The following C12orf56 variants were observed in gnomAD, a reference collection of about 807,000 sequenced individuals.
C12orf56 encodes the protein chromosome 12 open reading frame 56.
C12orf56 carries 71 observed loss-of-function variants against 69.9 expected under a neutral mutation model. The ratio of observed to expected loss-of-function variants is 1.02; its 90% CI spans 0.84 to 1.24. The LOEUF (loss-of-function observed/expected upper bound fraction) is 1.24. C12orf56 is among the 50% of genes most tolerant of loss of function. The pLI is 0.00. For missense variants in C12orf56, 732 were observed against 738.5 expected (o/e 0.99, Z 0.10); for synonymous variants, 276 against 274.1 (o/e 1.01, Z -0.07).
chr12:64,335,889 C>A (rs932621706), intron 2 of C12orf56, among the ~76,000 whole-genome samples: 1 of 152,060 alleles, frequency 6.6e-6, no homozygotes, highest in Non-Finnish European at 1.5e-5. Flanking sequence ...GGATTTTTTA[C>A]CCAAGAGGTT....
rs568364216 is a variant in C12orf56 at position 64,265,115 on chromosome 12, T to C, written c.*2068A>G. The C allele has an allele frequency of 5.3e-5, 8 of 152,368 alleles. No homozygotes were observed. The East Asian group carries it at 1.3e-3, about 26-fold the overall frequency. 9.4% of individuals were successfully genotyped at this position (152,368 alleles called of 1,614,324 possible). ...CAGAGCTGAGTTGATCCTCTCGTTG[T>C]CATCCTGCGGGTTCATCAGTACATT... is the stretch of plus-strand genomic sequence containing the variant. On this transcript the variant is annotated 3_prime_UTR_variant, in exon 13 of 13. Coordinates refer to ENST00000543942, the MANE Select transcript of C12orf56 (RefSeq NM_001170633.2).
intron 3 of C12orf56, among the ~76,000 whole-genome samples, chr12:64,321,330 C>T (rs570584905): frequency 2.0e-5 from 3 of 152,228 alleles, no homozygotes; most frequent in Admixed American, 1.3e-4. Context: ...AGAACCTCCA[C>T]GATAGTGGAA....
rs186787024 is a variant in C12orf56 at position 64,365,459 on chromosome 12, C to T, written c.253-12403G>A. Among the ~76,000 whole-genome samples, 752 of 151,648 alleles carry T rather than the reference C, an allele frequency of 5.0e-3. 8 individuals carry two copies. Among genetic ancestry groups the T allele is most frequent in the African/African-American group, 0.018 (737 of 41,396 alleles). ...GGATTACAGGGATGAGCCACCACGC[C>T]CGGCCGCTATTCCCATTTTATAAGG... On this transcript the variant is annotated intron_variant, in intron 1 of 12. Transcript: ENST00000543942.
intron 1 of C12orf56, among the ~76,000 whole-genome samples, chr12:64,381,940 G>C (rs1413183370): frequency 6.6e-6 from 1 of 152,136 alleles, no homozygotes; most frequent in Non-Finnish European, 1.5e-5. Context: ...CATTGAACTT[G>C]ATATACCTAC....
chr12:64,354,756 C>T (rs1228765869), intron 1 of C12orf56, among the ~76,000 whole-genome samples: 9 of 147,792 alleles, frequency 6.1e-5, no homozygotes, highest in Non-Finnish European at 1.3e-4. Context: ...CGTGAGCCAC[C>T]GCACCTGGTC....
Position 64,379,377 on chromosome 12 carries a change from C to T in C12orf56, c.252+10937G>A, listed in dbSNP as rs541267263. ...TCTGCTCACTGCAAGCTCCGCCTCTCGGGTTCACGCCATTCTCCTGCCTCA... is the reference window on the plus strand; with the variant it reads ...TCTGCTCACTGCAAGCTCCGCCTCTTGGGTTCACGCCATTCTCCTGCCTCA... On this transcript the variant is annotated intron_variant, in intron 1 of 12. Transcript: ENST00000543942. Among the ~76,000 whole-genome samples the T allele has an allele frequency of 7.2e-4, 109 of 151,762 alleles. 1 individual carries two copies. Among genetic ancestry groups the T allele is most frequent in the African/African-American group, 2.4e-3 (100 of 41,400 alleles).
intron 1 of C12orf56, among the ~76,000 whole-genome samples, chr12:64,365,271 TCTC>T (rs1334062821): frequency 6.6e-6 from 1 of 151,238 alleles, no homozygotes; most frequent in Non-Finnish European, 1.5e-5. Flanking sequence ...TTCAAGTGAT[TCTC>T]CTGCTTCAGC....
chr12:64,359,437 T>C (rs2039366522), intron 1 of C12orf56, among the ~76,000 whole-genome samples: 1 of 152,152 alleles, frequency 6.6e-6, no homozygotes, highest in Non-Finnish European at 1.5e-5. Context: ...CTAAGATGGG[T>C]AGAAGGAAAA....
At chr12:64,294,166 A>T (rs1471534072) in intron 6 of C12orf56, among the ~76,000 whole-genome samples, 2 of 149,246 alleles carry the variant, frequency 1.3e-5, no homozygotes, top group African/African-American at 2.5e-5. Context: ...AGCTACTATT[A>T]AAAAAAAAAC....
chr12:64,359,480 A>T (rs2039366981), intron 1 of C12orf56, among the ~76,000 whole-genome samples: 2 of 151,890 alleles, frequency 1.3e-5, no homozygotes, highest in Middle Eastern at 3.4e-3. Context: ...TTTAAAAATT[A>T]AAAAAAAATT....
intron 1 of C12orf56, among the ~76,000 whole-genome samples, chr12:64,364,787 G>A (rs1001709739): frequency 1.3e-5 from 2 of 151,860 alleles, no homozygotes; most frequent in Non-Finnish European, 2.9e-5. Flanking sequence ...CATCAAGCAG[G>A]ATGGCAGACT....
intron 6 of C12orf56, among the ~76,000 whole-genome samples, chr12:64,303,371 C>T (rs896071855): frequency 5.3e-5 from 8 of 149,902 alleles, no homozygotes; most frequent in Admixed American, 2.0e-4. Flanking sequence ...AACATCTCTC[C>T]GTTGGCTCTG....
chr12:64,308,976 G>GAAAGA (rs2038569785), intron 5 of C12orf56, among the ~76,000 whole-genome samples: 3 of 112,174 alleles, frequency 2.7e-5, no homozygotes, highest in Admixed American at 1.8e-4. Context: ...AGAAAGAAAA[G>GAAAGA]AAAGAAAGAA....
chr12:64,352,926 G>A lies in C12orf56; in HGVS notation c.383C>T (p.Pro128Leu). The change falls in exon 2 of 13, where the codon CCA (proline) becomes CTA (leucine). Residue 128 changes from proline (P) to leucine (L), a missense_variant. By Grantham distance (98) the Pro-to-Leu change is moderately conservative. Coordinates refer to ENST00000543942, the MANE Select transcript of C12orf56 (RefSeq NM_001170633.2). ...KSNSVRKFLF[P>L]FHHTKANNKK... ...GTTGTTAGCTTTAGTATGATGAAATGGAAATAGGAATTTCCTGACACTGTT... is the reference window on the plus strand; with the variant it reads ...GTTGTTAGCTTTAGTATGATGAAATAGAAATAGGAATTTCCTGACACTGTT... 6.2e-7 allele frequency: 1 copy of A among 1,612,178 alleles called. No homozygotes were observed. Among genetic ancestry groups the A allele is most frequent in the Non-Finnish European group, 8.5e-7 (1 of 1,179,444 alleles).
intron 12 of C12orf56, among the ~76,000 whole-genome samples, chr12:64,270,038 A>G (rs895157577): frequency 1.3e-5 from 2 of 152,176 alleles, no homozygotes; most frequent in African/African-American, 4.8e-5. Flanking sequence ...TATACTTCAA[A>G]TGGCAATGGT....
chr12:64,270,115 A>C (rs1398019744), intron 12 of C12orf56, among the ~76,000 whole-genome samples: 1 of 150,684 alleles, frequency 6.6e-6, no homozygotes, highest in Non-Finnish European at 1.5e-5. Context: ...AAACAAAAAT[A>C]GGCCAGGTGC....
At chr12:64,389,698 T>C (rs996930597) in intron 1 of C12orf56, among the ~76,000 whole-genome samples, 2 of 152,146 alleles carry the variant, frequency 1.3e-5, no homozygotes, top group Non-Finnish European at 2.9e-5. Context: ...CGTTTCACCA[T>C]GTTGGCCAGC....
Position 64,353,029 on chromosome 12 carries a change from A to G in C12orf56, c.280T>C (p.Ser94Pro). 2 of 1,611,016 alleles carry G rather than the reference A, an allele frequency of 1.2e-6. No homozygotes were observed. The highest frequency in any genetic ancestry group is 1.7e-6 in the Non-Finnish European group (2 of 1,179,246). ...LIDDYPEFLSSPDREISQHIR... is the reference protein window; with the variant it reads ...LIDDYPEFLSPPDREISQHIR... Reference sequence around the variant, plus strand: ...TGTTGGCTGATTTCTCTATCTGGCGAACTCAAAAATTCCGGGTAATCATCA... The same window carrying G: ...TGTTGGCTGATTTCTCTATCTGGCGGACTCAAAAATTCCGGGTAATCATCA... Residue 94 changes from serine (S) to proline (P), a missense_variant, in exon 2 of 13, where the codon TCG becomes CCG. By Grantham distance (74) the Ser-to-Pro change is moderately conservative. Coordinates refer to ENST00000543942, the MANE Select transcript of C12orf56 (RefSeq NM_001170633.2).
chr12:64,266,966 T>A lies in C12orf56; in HGVS notation c.*217A>T. ...GAAATGGCTCTTTTGCCCAATGGCATAAAGATCTTTGCACACTTATAATAA... is the reference window on the plus strand; with the variant it reads ...GAAATGGCTCTTTTGCCCAATGGCAAAAAGATCTTTGCACACTTATAATAA... On this transcript the variant is annotated 3_prime_UTR_variant, in exon 13 of 13. Transcript: ENST00000543942. 1 of 461,670 alleles carries A rather than the reference T, an allele frequency of 2.2e-6. No individual in the cohort carries two copies. The highest frequency in any genetic ancestry group is 3.7e-6 in the Non-Finnish European group (1 of 267,456). The allele number at this position is 461,670 out of a possible 1,614,324, so 28.6% of individuals were successfully genotyped here.
Sources: gnomAD v4.1 joint callset for allele counts (sites outside exome capture counted in the v4.1 genomes callset) on GRCh38, gnomAD v4.1.1 for gene constraint, MANE v1.5 for transcripts, NCBI Gene and HGNC (gene_info 2026-07-23, HGNC 2026-07-21) for gene names.